RANBP2: variants seen among roughly 807,000 people sequenced by gnomAD.
RANBP2 encodes the protein RAN binding protein 2.
In RANBP2, 57 loss-of-function variants were observed where a neutral mutation model predicts 303.6. The ratio of observed to expected loss-of-function variants is 0.19; its 90% CI spans 0.15 to 0.23. The LOEUF (loss-of-function observed/expected upper bound fraction) is 0.23, where lower values mean the gene tolerates loss of function less well. RANBP2 is among the 10% of genes least tolerant of loss of function. The pLI is 1.00. For missense variants in RANBP2, 3,138 were observed against 3,780.8 expected (o/e 0.83, Z 4.46); for synonymous variants, 1,167 against 1,301.5 (o/e 0.90, Z 2.23).
At chr2:109,133,769 A>T in the RANBP2 span, among the ~76,000 whole-genome samples, 2 of 148,800 alleles carry the variant, frequency 1.3e-5, no homozygotes, top group Non-Finnish European at 1.5e-5. Flanking sequence ...CCTGTTACAG[A>T]CTATTGAATT....
chr2:108,853,807 C>T, the RANBP2 span, among the ~76,000 whole-genome samples: 2 of 139,586 alleles, frequency 1.4e-5, no homozygotes, highest in South Asian at 2.2e-4. Context: ...GTTACAGGCA[C>T]CAGCCATCCC....
the RANBP2 span, among the ~76,000 whole-genome samples, chr2:109,269,850 G>C: frequency 6.6e-6 from 1 of 152,190 alleles, no homozygotes; most frequent in South Asian, 2.1e-4. Flanking sequence ...CAGAATGTTC[G>C]TGTGCTCAGG....
the RANBP2 span, chr2:108,883,286 C>T: frequency 6.6e-6 from 1 of 152,208 alleles, no homozygotes; most frequent in Admixed American, 6.5e-5. Flanking sequence ...CTGGAAAAAT[C>T]TCTGTGGCTG....
At chr2:109,409,904 T>C in the RANBP2 span, among the ~76,000 whole-genome samples, 2 of 151,986 alleles carry the variant, frequency 1.3e-5, no homozygotes, top group African/African-American at 2.4e-5. Flanking sequence ...CTCCTTGGGG[T>C]GATGACAGTG....
the RANBP2 span, among the ~76,000 whole-genome samples, chr2:109,126,341 G>A: frequency 2.7e-4 from 41 of 152,334 alleles, no homozygotes; most frequent in Middle Eastern, 3.4e-3. Context: ...GGTCGTGCAA[G>A]ATAAAGATGT....
the RANBP2 span, among the ~76,000 whole-genome samples, chr2:109,727,308 C>T: frequency 5.9e-5 from 9 of 152,110 alleles, no homozygotes; most frequent in East Asian, 3.9e-4. Flanking sequence ...CTGTGGGAAA[C>T]GATGAACTTT....
chr2:108,825,512 T>C, the RANBP2 span, among the ~76,000 whole-genome samples: 1 of 152,190 alleles, frequency 6.6e-6, no homozygotes, highest in East Asian at 1.9e-4. Context: ...ATCTGCTTTC[T>C]GTCTTTATAG....
At chr2:108,776,168 G>T (rs1474807012) in intron 24 of RANBP2, among the ~76,000 whole-genome samples, 1 of 152,106 alleles carries the variant, frequency 6.6e-6, no homozygotes, top group Non-Finnish European at 1.5e-5. Context: ...AAAGCATTAT[G>T]ATTCTGACCT....
the RANBP2 span, among the ~76,000 whole-genome samples, chr2:109,342,133 T>C: frequency 4.6e-5 from 7 of 152,348 alleles, no homozygotes; most frequent in Non-Finnish European, 1.0e-4. Flanking sequence ...TGTCCATCTA[T>C]AACTCTGGGC....
At chr2:109,185,342 G>T in the RANBP2 span, among the ~76,000 whole-genome samples, 1 of 152,202 alleles carries the variant, frequency 6.6e-6, no homozygotes, top group Non-Finnish European at 1.5e-5. Context: ...AACAATAAAA[G>T]ATTGGATTGT....
the RANBP2 span, among the ~76,000 whole-genome samples, chr2:108,971,260 G>C: frequency 6.6e-6 from 1 of 152,002 alleles, no homozygotes; most frequent in South Asian, 2.1e-4. Context: ...CTTTCTTCCA[G>C]CATCTAGAAA....
At chr2:109,765,943 G>T in the RANBP2 span, among the ~76,000 whole-genome samples, 2 of 150,350 alleles carry the variant, frequency 1.3e-5, no homozygotes, top group African/African-American at 4.9e-5. Flanking sequence ...CTTTCCTCCA[G>T]CTGCAGTAAA....
the RANBP2 span, among the ~76,000 whole-genome samples, chr2:108,842,153 G>A: frequency 1.2e-4 from 18 of 151,498 alleles, no homozygotes; most frequent in African/African-American, 1.7e-4. Flanking sequence ...TCAGCCTCCT[G>A]TGTAGCTAGG....
the RANBP2 span, among the ~76,000 whole-genome samples, chr2:109,041,193 T>C: frequency 6.6e-6 from 1 of 152,272 alleles, no homozygotes; most frequent in African/African-American, 2.4e-5. Context: ...CTAAACACAG[T>C]TATTCATCTT....
the RANBP2 span, among the ~76,000 whole-genome samples, chr2:109,621,849 G>T: frequency 3.3e-5 from 5 of 152,054 alleles, no homozygotes; most frequent in East Asian, 9.7e-4. Context: ...GGAGGCGGAG[G>T]TTGCAGTGAG....
the RANBP2 span, among the ~76,000 whole-genome samples, chr2:108,848,201 A>G: frequency 3.3e-5 from 5 of 152,248 alleles, no homozygotes; most frequent in Admixed American, 3.3e-4. Flanking sequence ...AACATACATT[A>G]TATCATTTAA....
chr2:109,630,859 A>G, the RANBP2 span, among the ~76,000 whole-genome samples: 2 of 152,198 alleles, frequency 1.3e-5, no homozygotes, highest in Non-Finnish European at 2.9e-5. Context: ...TAAGGTCAGG[A>G]GTTCGAGACC....
At chr2:109,589,317 G>C in the RANBP2 span, among the ~76,000 whole-genome samples, 1 of 152,020 alleles carries the variant, frequency 6.6e-6, no homozygotes, top group Admixed American at 6.6e-5. Flanking sequence ...CAGGTTACTT[G>C]AGGCCAGGAG....
the RANBP2 span, among the ~76,000 whole-genome samples, chr2:109,495,244 C>G: frequency 6.6e-6 from 1 of 152,230 alleles, no homozygotes; most frequent in Non-Finnish European, 1.5e-5. Flanking sequence ...AGCAAATGCA[C>G]ATGGCATCAG....
Sources: allele counts gnomAD v4.1 joint callset (sites outside exome capture counted in the v4.1 genomes callset), GRCh38; gene constraint gnomAD v4.1.1; transcripts MANE v1.5; gene names NCBI Gene and HGNC (gene_info 2026-07-23, HGNC 2026-07-21).